Variants in TIMM23 observed in about 807,000 individuals in gnomAD.
TIMM23 encodes the protein mitochondrial import inner membrane translocase subunit Tim23.
Under a neutral mutation model 30.7 loss-of-function variants are expected in TIMM23, and 19 were observed. The observed-to-expected ratio is 0.62, with a 90% confidence interval of 0.43 to 0.91. TIMM23 has a LOEUF of 0.91. Among genes scored for constraint, TIMM23 ranks in the 40% least tolerant of loss-of-function variants. The pLI is 0.00. For missense variants in TIMM23, 202 were observed against 269.2 expected, an observed-to-expected ratio of 0.75 and a Z score of 1.75; for synonymous variants, 78 against 98.5, an observed-to-expected ratio of 0.79 and a Z score of 1.23.
chr10:45,984,506 C>A (rs1837943338), intron 4 of TIMM23: 1 of 152,340 alleles, frequency 6.6e-6, no homozygotes, highest in Admixed American at 6.5e-5. Flanking sequence ...TTAAAACAAT[C>A]TTTTAGAAAA....
chr10:45,978,576 T>TA (rs1837746316), intron 2 of TIMM23, among the ~76,000 whole-genome samples: 1 of 152,082 alleles, frequency 6.6e-6, no homozygotes, highest in Admixed American at 6.5e-5. Flanking sequence ...ATTAGAGAAA[T>TA]AAAACCACAA....
chr10:45,992,417 A>G (rs2132271715), intron 6 of TIMM23: 2 of 456,054 alleles, frequency 4.4e-6, no homozygotes, highest in South Asian at 3.1e-5. Context: ...GACAGTTTCT[A>G]AACCCTGCAT....
At chr10:45,976,223 A>G (rs1370882967) in intron 2 of TIMM23, among the ~76,000 whole-genome samples, 1 of 151,832 alleles carries the variant, frequency 6.6e-6, no homozygotes, top group Non-Finnish European at 1.5e-5. Context: ...TAATAAAGCA[A>G]TCAAGGAAAG....
At chr10:46,000,129 A>G (rs1404083373) in intron 6 of TIMM23, among the ~76,000 whole-genome samples, 1 of 152,180 alleles carries the variant, frequency 6.6e-6, no homozygotes, top group African/African-American at 2.4e-5. Context: ...CAATTATCAC[A>G]TGGTCCTGAG....
chr10:46,002,808 G>GT (rs1249590709), intron 6 of TIMM23, among the ~76,000 whole-genome samples: 71 of 115,520 alleles, frequency 6.1e-4, no homozygotes, highest in Non-Finnish European at 1.1e-3. Context: ...CCATTTCATA[G>GT]TATTTTTTTT....
chr10:45,979,486 T>C, intron 2 of TIMM23, among the ~76,000 whole-genome samples: 1 of 151,906 alleles, frequency 6.6e-6, no homozygotes, highest in Admixed American at 6.6e-5. Flanking sequence ...TTACATTCTT[T>C]GTAGAGATGT....
intron 6 of TIMM23, chr10:46,002,481 C>G (rs1378713568): frequency 1.0e-6 from 1 of 984,342 alleles, no homozygotes; most frequent in African/African-American, 1.7e-5. Context: ...CACTAATCTT[C>G]AAGGTTAATA....
chr10:46,002,096 T>G (rs1265418894), intron 6 of TIMM23, among the ~76,000 whole-genome samples: 1 of 152,150 alleles, frequency 6.6e-6, no homozygotes, highest in Non-Finnish European at 1.5e-5. Context: ...TCACTCACTG[T>G]TTTTTAATTG....
chr10:45,999,542 G>A (rs1331803845), intron 6 of TIMM23, among the ~76,000 whole-genome samples: 1 of 152,076 alleles, frequency 6.6e-6, no homozygotes, highest in African/African-American at 2.4e-5. Context: ...AAAAGAGGAG[G>A]GAGTGTGCGA....
chr10:45,982,689 T>C (rs1837881437), intron 3 of TIMM23, 73 bp downstream of exon 3: 5 of 1,594,828 alleles, frequency 3.1e-6, no homozygotes. Context: ...CAAAAGCAAT[T>C]AGAATGTTGG....
At chr10:45,977,970 G>T (rs1837724540) in intron 2 of TIMM23, among the ~76,000 whole-genome samples, 1 of 152,020 alleles carries the variant, frequency 6.6e-6, no homozygotes, top group Admixed American at 6.5e-5. Flanking sequence ...GGCAGAGGTT[G>T]CGGTGAGCCA....
At chr10:45,987,941 G>C (rs1245827807) in intron 5 of TIMM23, among the ~76,000 whole-genome samples, 1 of 152,062 alleles carries the variant, frequency 6.6e-6, no homozygotes, top group Non-Finnish European at 1.5e-5. Context: ...ATTTTTAAAG[G>C]ATACAAATAG....
Position 46,003,500 on chromosome 10 carries a change from A to C in TIMM23, c.*182A>C. The C allele has an allele frequency of 1.9e-6, 1 of 524,970 alleles. No homozygotes were observed. 32.5% of individuals were successfully genotyped at this position (524,970 alleles called of 1,614,324 possible). ...CTGGCACTTGTTCCAGCCATTAGTG[A>C]GTTGAAGCCAAAGCCCTTTGGTGAC... On this transcript the variant is annotated 3_prime_UTR_variant, in exon 7 of 7. Transcript: ENST00000580018.
chr10:45,992,610 T>G (rs71205699), intron 6 of TIMM23: 233,000 of 428,000 alleles, frequency 0.54, 65,488 homozygotes, highest in Admixed American at 0.7. Flanking sequence ...CAGGCTGCAG[T>G]GCAGTGGCAC....
At chr10:45,999,686 T>C (rs1425358858) in intron 6 of TIMM23, among the ~76,000 whole-genome samples, 3 of 152,274 alleles carry the variant, frequency 2.0e-5, no homozygotes, top group Admixed American at 1.3e-4. Flanking sequence ...CGGGCACCAT[T>C]GTCATTGATA....
chr10:45,977,829 C>T (rs1237495757), intron 2 of TIMM23, among the ~76,000 whole-genome samples: 2 of 151,906 alleles, frequency 1.3e-5, no homozygotes, highest in African/African-American at 4.8e-5. Flanking sequence ...GTCAGGAGTT[C>T]GAGACCAGCC....
Position 45,972,602 on chromosome 10 carries a change from A to G in TIMM23, c.-23A>G. The G allele has an allele frequency of 6.2e-7, 1 of 1,601,670 alleles. No homozygotes were observed. Among genetic ancestry groups the G allele is most frequent in the Non-Finnish European group, 8.5e-7 (1 of 1,171,488 alleles). ...ACCCAGGCTTGAGGCAGCGGCGGGA[A>G]CCACTCGGTTTGCTGCGATACCATG... On this transcript the variant is annotated 5_prime_UTR_variant, in exon 1 of 7. Transcript: ENST00000580018.
chr10:46,002,617 G>A (rs1482220971), intron 6 of TIMM23: 5 of 474,258 alleles, frequency 1.1e-5, no homozygotes, highest in Non-Finnish European at 1.4e-5. Flanking sequence ...ATTACTAGCA[G>A]GAAACGACTG....
rs1837887381 is a variant in TIMM23, at chr10:45,982,862, A to G, written c.276A>G (p.Ala92=). 1 of 1,613,952 alleles carries G rather than the reference A, an allele frequency of 6.2e-7. No homozygotes were observed. The change falls in exon 4 of 7, where the codon GCA becomes GCG. Residue 92 remains alanine (A), a synonymous_variant. Transcript: ENST00000580018. ...ATTTACCAGGGGCTGCGTTTGGTGC[A>G]ATGAATGGTCTTCGGCTAGGATTGA... ...GCCMTGAAFG[A]MNGLRLGLKE...
Sources: gnomAD v4.1 joint callset for allele counts (sites outside exome capture counted in the v4.1 genomes callset) on GRCh38, gnomAD v4.1.1 for gene constraint, MANE v1.5 for transcripts, NCBI Gene and HGNC (gene_info 2026-07-23, HGNC 2026-07-21) for gene names.